Variants in SIL1 observed in about 807,000 individuals in gnomAD.
SIL1 encodes nucleotide exchange factor SIL1.
In SIL1, 40 loss-of-function variants were observed where a neutral mutation model predicts 49.1. The ratio of observed to expected loss-of-function variants is 0.81; its 90% confidence interval spans 0.63 to 1.06. The LOEUF is 1.06. Among genes scored for constraint, SIL1 ranks in the 50% least tolerant of loss-of-function variants. The probability of loss-of-function intolerance (pLI) is 0.00; values close to 1 mark genes in which losing one functional copy is unlikely to be tolerated. For missense variants in SIL1, 500 were observed against 572.6 expected (o/e 0.87, Z 1.29); for synonymous variants, 253 against 250.8 (o/e 1.01, Z -0.08).
chr5:139,149,912 A>G (rs1434620997), intron 1 of SIL1, among the ~76,000 whole-genome samples: 1 of 152,136 alleles, frequency 6.6e-6, no homozygotes, highest in Non-Finnish European at 1.5e-5. Context: ...AGCTCACTGC[A>G]CTGTCTTAGC....
chr5:139,178,878 G>C (rs1751932333), intron 1 of SIL1, among the ~76,000 whole-genome samples: 1 of 152,050 alleles, frequency 6.6e-6, no homozygotes, highest in Non-Finnish European at 1.5e-5. Context: ...ATATACATTT[G>C]TTGACTGAAA....
intron 1 of SIL1, among the ~76,000 whole-genome samples, chr5:139,143,344 C>CACATATATATATATATAT (rs1451727500): frequency 9.2e-5 from 9 of 97,500 alleles, no homozygotes; most frequent in African/African-American, 4.9e-4. Context: ...CACACACACA[C>CACATATATATATATATAT]ATATATATAT....
intron 7 of SIL1, among the ~76,000 whole-genome samples, chr5:138,990,018 C>T (rs1482701028): frequency 6.6e-6 from 1 of 152,124 alleles, no homozygotes. Flanking sequence ...GGCATGCGTG[C>T]GACAGGAATT....
At chr5:139,067,786 C>A (rs933850135) in intron 3 of SIL1, among the ~76,000 whole-genome samples, 2 of 152,236 alleles carry the variant, frequency 1.3e-5, no homozygotes, top group African/African-American at 4.8e-5. Flanking sequence ...GGGCATCTGG[C>A]AACATCTATC....
At chr5:139,152,238 TGGTCA>T (rs1264164034) in intron 1 of SIL1, among the ~76,000 whole-genome samples, 1 of 152,160 alleles carries the variant, frequency 6.6e-6, no homozygotes, top group Non-Finnish European at 1.5e-5. Context: ...TTGGAGTAAA[TGGTCA>T]GGCTTTAATG....
chr5:139,140,467 C>T (rs1299307263), intron 1 of SIL1, among the ~76,000 whole-genome samples: 1 of 152,164 alleles, frequency 6.6e-6, no homozygotes, highest in Non-Finnish European at 1.5e-5. Context: ...CCAGGTAAGT[C>T]AGCAACTGCA....
chr5:139,194,175 A>C (rs1020837506), intron 1 of SIL1, among the ~76,000 whole-genome samples: 1 of 152,224 alleles, frequency 6.6e-6, no homozygotes, highest in African/African-American at 2.4e-5. Flanking sequence ...GGCTGAATAT[A>C]GTTTTGTTGC....
chr5:139,147,540 T>A (rs1581133543), intron 1 of SIL1, among the ~76,000 whole-genome samples: 2 of 152,150 alleles, frequency 1.3e-5, no homozygotes, highest in African/African-American at 4.8e-5. Flanking sequence ...CCCATCCCAT[T>A]AACAATTCAC....
rs113106883 is a variant in SIL1 at position 139,121,383 on chromosome 5, G to A, written c.106-210C>T. On this transcript the variant is annotated intron_variant, in intron 2 of 9. Coordinates refer to ENST00000394817, the MANE Select transcript of SIL1 (RefSeq NM_022464.5). ...CTAAATGAATGCAGCATGTTGTCCT[G>A]TGCGTATGTGGTACTTTTGAAAATG... Among the ~76,000 whole-genome samples, 572 of 152,270 alleles carry A rather than the reference G, an allele frequency of 3.8e-3. 1 individual carries two copies. The highest frequency in any genetic ancestry group is 0.027 in the Middle Eastern group (8 of 294).
chr5:139,162,813 G>A (rs1202568666), intron 1 of SIL1, among the ~76,000 whole-genome samples: 5 of 152,020 alleles, frequency 3.3e-5, no homozygotes, highest in African/African-American at 4.8e-5. Context: ...TGAAACTTAC[G>A]TTCTAGTGGA....
At chr5:138,960,557 C>T (rs897780743) in intron 7 of SIL1, among the ~76,000 whole-genome samples, 1 of 152,074 alleles carries the variant, frequency 6.6e-6, no homozygotes, top group Non-Finnish European at 1.5e-5. Flanking sequence ...TACCACGTAG[C>T]TGGGACTACA....
At chr5:139,069,969 T>C (rs879859982) in intron 3 of SIL1, among the ~76,000 whole-genome samples, 10 of 152,130 alleles carry the variant, frequency 6.6e-5, no homozygotes, top group Non-Finnish European at 1.5e-4. Context: ...CGATGGGCTC[T>C]TCCTGAAGAA....
intron 5 of SIL1, among the ~76,000 whole-genome samples, chr5:139,041,249 A>T (rs1398980131): frequency 1.3e-5 from 2 of 152,222 alleles, no homozygotes; most frequent in African/African-American, 4.8e-5. Flanking sequence ...GCCCTCCCAC[A>T]CCACATACAC....
intron 3 of SIL1, among the ~76,000 whole-genome samples, chr5:139,062,894 G>C (rs1165145133): frequency 6.6e-6 from 1 of 152,250 alleles, no homozygotes; most frequent in Non-Finnish European, 1.5e-5. Flanking sequence ...GGCCACTGCT[G>C]TGTTGGGCAC....
At chr5:139,011,149 G>C (rs1258618862) in intron 7 of SIL1, among the ~76,000 whole-genome samples, 6 of 151,520 alleles carry the variant, frequency 4.0e-5, no homozygotes, top group African/African-American at 1.5e-4. Flanking sequence ...AGCCAGGTGT[G>C]GGATATAGTC....
rs558339123 is a variant in SIL1 at position 139,115,112 on chromosome 5, C to T, written c.244+5923G>A. 4.0e-5 allele frequency among the ~76,000 whole-genome samples: 6 copies of T among 151,748 alleles called. No individual in the cohort carries two copies. In the East Asian group the frequency reaches 5.8e-4, roughly 15 times the overall value. ...GGGGACCATGGGGAATGAGAAGACCCGTAAGGAAGATCCTTCCAGGATCAG... is the reference window on the plus strand; with the variant it reads ...GGGGACCATGGGGAATGAGAAGACCTGTAAGGAAGATCCTTCCAGGATCAG... On this transcript the variant is annotated intron_variant, in intron 3 of 9. Coordinates refer to ENST00000394817, the MANE Select transcript of SIL1 (RefSeq NM_022464.5).
chr5:139,150,391 T>C (rs1275918011), intron 1 of SIL1, among the ~76,000 whole-genome samples: 2 of 152,052 alleles, frequency 1.3e-5, no homozygotes, highest in Non-Finnish European at 2.9e-5. Context: ...ATCCCTCCTC[T>C]CCCTTCCCTG....
chr5:138,947,560 T>G lies in SIL1; in HGVS notation c.1030-87A>C. 5.0e-6 allele frequency: 6 copies of G among 1,207,334 alleles called. No homozygotes were observed. Among genetic ancestry groups the G allele is most frequent in the Non-Finnish European group, 6.2e-6 (5 of 812,330 alleles). The allele number at this position is 1,207,334 out of a possible 1,614,324, so 74.8% of individuals were successfully genotyped here. On this transcript the variant is annotated intron_variant, in intron 9 of 9. Coordinates refer to ENST00000394817, the MANE Select transcript of SIL1 (RefSeq NM_022464.5). This position sits in a 1 kb window ranked among gnomAD's most constrained non-coding sequence, Gnocchi z 4.1. ...CAGTTAGCTCACACCTGGCTAGCTC[T>G]GCCCTTCAGACAGGAAGGCACGAGG...
chr5:139,189,275 T>G (rs1752126725), intron 1 of SIL1, among the ~76,000 whole-genome samples: 1 of 152,174 alleles, frequency 6.6e-6, no homozygotes, highest in African/African-American at 2.4e-5. Context: ...TCCCCAACGC[T>G]TGCATTAACG....
Sources: gnomAD v4.1 joint callset for allele counts (sites outside exome capture counted in the v4.1 genomes callset) on GRCh38, gnomAD v4.1.1 for gene constraint, Gnocchi (gnomAD v3.1) non-coding constraint, MANE v1.5 for transcripts, NCBI Gene and HGNC (gene_info 2026-07-23, HGNC 2026-07-21) for gene names.